ADAMTSL1: variants seen among roughly 807,000 people sequenced by gnomAD.
ADAMTSL1 encodes ADAMTS like 1.
ADAMTSL1 carries 126 observed loss-of-function variants against 201.8 expected under a neutral mutation model. The ratio of observed to expected loss-of-function variants is 0.62; its 90% CI spans 0.54 to 0.72. The LOEUF is 0.72. Among genes scored for constraint, ADAMTSL1 ranks in the 30% least tolerant of loss-of-function variants. ADAMTSL1 has a pLI of 0.00. For synonymous variants in ADAMTSL1, 1,121 were observed against 903.4 expected, an observed-to-expected ratio of 1.24 and a Z score of -4.32; for missense variants, 2,679 against 2,277.8, an observed-to-expected ratio of 1.18 and a Z score of -3.59.
rs541469796 is a variant in ADAMTSL1, at chr9:18,905,515, G to C, written c.4852-267G>C. 16 of 466,142 alleles carry C rather than the reference G, an allele frequency of 3.4e-5. No homozygotes were observed. The East Asian group carries it at 5.6e-4, about 16-fold the overall frequency. 28.9% of individuals were successfully genotyped at this position (466,142 alleles called of 1,614,324 possible). A position where few individuals can be genotyped will look rare whatever the true frequency, so the allele number is the denominator to read the frequency against. On this transcript the variant is annotated intron_variant, in intron 26 of 28. Coordinates refer to ENST00000380548, the MANE Select transcript of ADAMTSL1 (RefSeq NM_001040272.6). The stretch of plus-strand genomic sequence containing the variant: ...AATATCTTTCATATGATTAATCTGA[G>C]AGGAGCTTGACGTTCTCTTACTGGT...
intron 2 of ADAMTSL1, among the ~76,000 whole-genome samples, chr9:18,188,183 C>T (rs1275806587): frequency 6.6e-6 from 1 of 152,154 alleles, no homozygotes; most frequent in Non-Finnish European, 1.5e-5. Flanking sequence ...AGCACAACTC[C>T]TTTTCCCCCC....
At position 18,291,547 on chromosome 9, in the gene ADAMTSL1, G is replaced by A. The variant is rs550249644; in HGVS notation, c.207+127566G>A. 2.0e-5 allele frequency among the ~76,000 whole-genome samples: 3 copies of A among 152,092 alleles called. No homozygotes were observed. The South Asian group carries it at 6.3e-4, about 32-fold the overall frequency. ...CCCCAAGGTGATTGAACCATTTCGT[G>A]CATTTCATAATTGCCTTATGTAGAC... is the stretch of plus-strand genomic sequence containing the variant. On this transcript the variant is annotated intron_variant, in intron 2 of 29. Coordinates refer to the ADAMTSL1 transcript ENST00000680146.
At chr9:18,164,670 G>A (rs1395586747) in intron 2 of ADAMTSL1, among the ~76,000 whole-genome samples, 1 of 151,800 alleles carries the variant, frequency 6.6e-6, no homozygotes, top group Non-Finnish European at 1.5e-5. Context: ...ATTAGAATTA[G>A]AGGATGCCGT....
intron 1 of ADAMTSL1, among the ~76,000 whole-genome samples, chr9:18,018,386 A>G (rs1468884232): frequency 7.9e-5 from 12 of 152,092 alleles, no homozygotes; most frequent in Non-Finnish European, 7.4e-5. Flanking sequence ...GCCCTTCTGT[A>G]ATCCCTTCTG....
At position 18,066,696 on chromosome 9, in the gene ADAMTSL1, A is replaced by G. The variant is rs557915508; in HGVS notation, c.88-97166A>G. 7.2e-5 allele frequency among the ~76,000 whole-genome samples: 11 copies of G among 152,356 alleles called. No individual in the cohort carries two copies. In the East Asian group the frequency reaches 2.1e-3, roughly 29 times the overall value. Reference sequence around the variant, plus strand: ...ATTTTATGACTATGAGATCCTAATCAAAATAGCAGTGGGTTCAGTGAACAA... The same window carrying G: ...ATTTTATGACTATGAGATCCTAATCGAAATAGCAGTGGGTTCAGTGAACAA... On this transcript the variant is annotated intron_variant, in intron 1 of 29. Coordinates refer to the ADAMTSL1 transcript ENST00000680146.
At chr9:18,477,824 C>T (rs1040099911) in intron 1 of ADAMTSL1, among the ~76,000 whole-genome samples, 1 of 152,134 alleles carries the variant, frequency 6.6e-6, no homozygotes, top group African/African-American at 2.4e-5. Context: ...GTGTTCAGGA[C>T]CACTTTCTGG....
At chr9:18,198,466 C>G (rs1158163330) in intron 2 of ADAMTSL1, among the ~76,000 whole-genome samples, 2 of 149,788 alleles carry the variant, frequency 1.3e-5, no homozygotes, top group East Asian at 3.9e-4. Context: ...ACAGACACTT[C>G]TCAAAAGGAG....
At chr9:17,917,384 G>C (rs952214342) in intron 1 of ADAMTSL1, among the ~76,000 whole-genome samples, 1 of 151,968 alleles carries the variant, frequency 6.6e-6, no homozygotes, top group Non-Finnish European at 1.5e-5. Flanking sequence ...TTATGTCTGA[G>C]GAAATTGCTT....
chr9:18,852,067 G>A lies in ADAMTSL1; in HGVS notation c.4249+22090G>A, dbSNP rs570986896. Among the ~76,000 whole-genome samples, 128 of 152,232 alleles carry A rather than the reference G, an allele frequency of 8.4e-4. 1 individual carries two copies. The highest frequency in any genetic ancestry group is 1.6e-3 in the Non-Finnish European group (112 of 68,010). Reference sequence around the variant, plus strand: ...AGGGGTGCCCTCTTCTGCCTTGCTCGTGTCTGCCTAACTACCTACTCCAAC... The same window carrying A: ...AGGGGTGCCCTCTTCTGCCTTGCTCATGTCTGCCTAACTACCTACTCCAAC... On this transcript the variant is annotated intron_variant, in intron 23 of 28. Coordinates refer to ENST00000380548, the MANE Select transcript of ADAMTSL1 (RefSeq NM_001040272.6).
chr9:18,163,334 G>T (rs965717597), intron 1 of ADAMTSL1, among the ~76,000 whole-genome samples: 5 of 152,008 alleles, frequency 3.3e-5, no homozygotes, highest in Non-Finnish European at 7.4e-5. Flanking sequence ...CTAGATGAAA[G>T]TTCTCCAATA....
At chr9:18,249,321 A>G (rs1300659575) in intron 2 of ADAMTSL1, among the ~76,000 whole-genome samples, 3 of 152,226 alleles carry the variant, frequency 2.0e-5, no homozygotes. Context: ...TGCATTTTTA[A>G]TGGTTTGAGT....
At chr9:18,081,996 T>A (rs1823518422) in intron 1 of ADAMTSL1, among the ~76,000 whole-genome samples, 1 of 152,208 alleles carries the variant, frequency 6.6e-6, no homozygotes, top group Admixed American at 6.5e-5. Flanking sequence ...AACTGGTGGC[T>A]TAATATATTT....
At chr9:18,490,166 G>T (rs972453153) in intron 1 of ADAMTSL1, among the ~76,000 whole-genome samples, 3 of 152,220 alleles carry the variant, frequency 2.0e-5, no homozygotes, top group African/African-American at 7.2e-5. Context: ...CCATGCCACA[G>T]AGGAACTGGC....
chr9:18,894,895 A>G (rs1829523525), intron 26 of ADAMTSL1, among the ~76,000 whole-genome samples: 1 of 152,192 alleles, frequency 6.6e-6, no homozygotes, highest in Non-Finnish European at 1.5e-5. Flanking sequence ...GGGGAAAAAG[A>G]GGAAAAAGAT....
chr9:18,300,129 A>T (rs7851966), intron 2 of ADAMTSL1, among the ~76,000 whole-genome samples: 1 of 152,206 alleles, frequency 6.6e-6, no homozygotes, highest in African/African-American at 2.4e-5. Context: ...CCAAAGGATT[A>T]TAAATCATGC....
intron 1 of ADAMTSL1, among the ~76,000 whole-genome samples, chr9:17,995,401 A>G (rs537602417): frequency 6.6e-6 from 1 of 152,228 alleles, no homozygotes; most frequent in Admixed American, 6.5e-5. Context: ...TTTGCTGGCA[A>G]AAGAAGGGCA....
At chr9:18,162,209 C>A (rs1156881751) in intron 1 of ADAMTSL1, among the ~76,000 whole-genome samples, 1 of 151,976 alleles carries the variant, frequency 6.6e-6, no homozygotes, top group Non-Finnish European at 1.5e-5. Flanking sequence ...CCTGCCCCTC[C>A]CATCTTCAAG....
At chr9:18,421,851 C>G (rs1356144481) in intron 2 of ADAMTSL1, among the ~76,000 whole-genome samples, 1 of 152,032 alleles carries the variant, frequency 6.6e-6, no homozygotes, top group Non-Finnish European at 1.5e-5. Flanking sequence ...CCATATTTAC[C>G]AATGGGATAT....
chr9:17,962,792 C>T (rs1358904227), intron 1 of ADAMTSL1, among the ~76,000 whole-genome samples: 1 of 152,218 alleles, frequency 6.6e-6, no homozygotes, highest in Non-Finnish European at 1.5e-5. Context: ...ATATGTTCAA[C>T]TTCTTTTCCT....
Sources: gnomAD v4.1 joint callset for allele counts (sites outside exome capture counted in the v4.1 genomes callset) on GRCh38, gnomAD v4.1.1 for gene constraint, MANE v1.5 for transcripts, NCBI Gene and HGNC (gene_info 2026-07-23, HGNC 2026-07-21) for gene names.